CNTN4: variants seen among roughly 807,000 people sequenced by gnomAD.
CNTN4 encodes contactin-4.
CNTN4 carries 77 observed loss-of-function variants against 122.5 expected under a neutral mutation model. The ratio of observed to expected loss-of-function variants is 0.63; its 90% CI spans 0.52 to 0.76. The LOEUF (loss-of-function observed/expected upper bound fraction) is 0.76, where lower values mean the gene tolerates loss of function less well. Ranked by LOEUF, CNTN4 falls within the 30% of genes least tolerant of loss-of-function variation. CNTN4 has a pLI of 0.00. For synonymous variants in CNTN4, 512 were observed against 447.0 expected, an observed-to-expected ratio of 1.15 and a Z score of -1.83; for missense variants, 1,256 against 1,259.1, an observed-to-expected ratio of 1.00 and a Z score of 0.04.
intron 2 of CNTN4, among the ~76,000 whole-genome samples, chr3:2,173,232 A>T (rs1278370603): frequency 6.6e-6 from 1 of 152,222 alleles, no homozygotes; most frequent in Non-Finnish European, 1.5e-5. Flanking sequence ...CTGAGCAAAC[A>T]GACCATTTGG....
intron 14 of CNTN4, among the ~76,000 whole-genome samples, chr3:3,018,119 A>C (rs1697940378): frequency 6.6e-6 from 1 of 151,010 alleles, no homozygotes; most frequent in Non-Finnish European, 1.5e-5. Context: ...TAGTAATTAT[A>C]AAATTAATGT....
rs192965826 is a variant in CNTN4, at chr3:2,477,398, C to T, written c.-88-94018C>T. On this transcript the variant is annotated intron_variant, in intron 3 of 24. Transcript: ENST00000418658. The stretch of plus-strand genomic sequence containing the variant: ...TTATAATGATAAAACTCCATGCTTC[C>T]CATGACATAAGCTCTGTGGTAAATG... Among the ~76,000 whole-genome samples the T allele has an allele frequency of 4.7e-3, 721 of 152,160 alleles. 3 individuals carry two copies. The highest frequency in any genetic ancestry group is 0.01 in the Middle Eastern group (3 of 292).
At chr3:2,720,236 A>G (rs767752928) in intron 4 of CNTN4, among the ~76,000 whole-genome samples, 4 of 152,158 alleles carry the variant, frequency 2.6e-5, no homozygotes, top group Non-Finnish European at 4.4e-5. Flanking sequence ...TTTGATGTCA[A>G]TGAGATAGAG....
intron 3 of CNTN4, among the ~76,000 whole-genome samples, chr3:2,486,561 G>A (rs941265848): frequency 6.6e-6 from 1 of 152,112 alleles, no homozygotes; most frequent in African/African-American, 2.4e-5. Flanking sequence ...GAAGTCTACT[G>A]TGTTACCCCC....
intron 3 of CNTN4, among the ~76,000 whole-genome samples, chr3:2,400,789 G>A (rs567949391): frequency 1.9e-4 from 29 of 151,272 alleles, no homozygotes; most frequent in Admixed American, 8.6e-4. Flanking sequence ...AAGACATTTG[G>A]ATTATGCTGT....
intron 2 of CNTN4, among the ~76,000 whole-genome samples, chr3:2,225,930 C>T (rs2039265076): frequency 6.6e-6 from 1 of 152,156 alleles, no homozygotes; most frequent in African/African-American, 2.4e-5. Context: ...GGATTCTGCA[C>T]TATAGCTTTT....
intron 3 of CNTN4, among the ~76,000 whole-genome samples, chr3:2,412,373 T>A (rs1316644798): frequency 6.6e-6 from 1 of 152,054 alleles, no homozygotes; most frequent in Non-Finnish European, 1.5e-5. Flanking sequence ...TGCTTCAGCC[T>A]CCCGAGTAGC....
At chr3:2,536,888 G>A (rs2077830064) in intron 3 of CNTN4, among the ~76,000 whole-genome samples, 1 of 152,062 alleles carries the variant, frequency 6.6e-6, no homozygotes, top group African/African-American at 2.4e-5. Context: ...ATATAGTTTA[G>A]ATCTTGGCTT....
chr3:2,916,278 T>G (rs974375260), intron 12 of CNTN4, among the ~76,000 whole-genome samples: 8 of 151,512 alleles, frequency 5.3e-5, no homozygotes, highest in African/African-American at 1.7e-4. Context: ...CATAGGACAA[T>G]AGTGGAGGGA....
At chr3:3,042,148 C>T (rs1700220048) in intron 20 of CNTN4, among the ~76,000 whole-genome samples, 162 bp from the exon 21 acceptor site, 1 of 152,228 alleles carries the variant, frequency 6.6e-6, no homozygotes, top group South Asian at 2.1e-4. Context: ...CTACCACCAA[C>T]TCCAGCTATT....
In CNTN4 at chr3:2,571,453, C is replaced by T. The variant is rs1483772673; in HGVS notation, c.-51C>T. The T allele has an allele frequency of 4.6e-6, 6 of 1,304,124 alleles. No individual in the cohort carries two copies. The highest frequency in any genetic ancestry group is 5.6e-6 in the Non-Finnish European group (5 of 897,260). 80.8% of individuals were successfully genotyped at this position (1,304,124 alleles called of 1,614,324 possible). On this transcript the variant is annotated 5_prime_UTR_variant, in exon 4 of 25. Coordinates refer to ENST00000418658, the MANE Select transcript of CNTN4 (RefSeq NM_175607.3). Reference sequence around the variant, plus strand: ...ACAAAACTTAAAAGAAGCAGCAATTCTATTCGCTTGTTATTGGACTTGAAA... The same window carrying T: ...ACAAAACTTAAAAGAAGCAGCAATTTTATTCGCTTGTTATTGGACTTGAAA...
chr3:2,266,239 T>C (rs538309184), intron 2 of CNTN4, among the ~76,000 whole-genome samples: 1 of 152,170 alleles, frequency 6.6e-6, no homozygotes, highest in African/African-American at 2.4e-5. Context: ...GAATGTTCCT[T>C]CTATACCCAT....
chr3:2,778,212 TCAAA>T (rs1394119161), intron 6 of CNTN4, among the ~76,000 whole-genome samples: 3 of 76,968 alleles, frequency 3.9e-5, no homozygotes, highest in African/African-American at 1.7e-4. Context: ...AGACTCCGTC[TCAAA>T]TAAATAAATA....
intron 2 of CNTN4, among the ~76,000 whole-genome samples, chr3:2,173,940 G>T (rs1355649118): frequency 6.6e-6 from 1 of 152,150 alleles, no homozygotes; most frequent in East Asian, 1.9e-4. Context: ...TATTATCGTT[G>T]TTTTATTTTA....
chr3:2,684,931 G>T (rs1040752930), intron 4 of CNTN4, among the ~76,000 whole-genome samples: 1 of 152,130 alleles, frequency 6.6e-6, no homozygotes, highest in South Asian at 2.1e-4. Context: ...GCCAGGCCAG[G>T]GCCTTGTTCA....
chr3:2,995,332 G>A (rs1499131), intron 14 of CNTN4, among the ~76,000 whole-genome samples: 3,659 of 152,256 alleles, frequency 0.024, 137 homozygotes, highest in African/African-American at 0.081. Context: ...TGAGAGCCAC[G>A]TAGATTGAGC....
At chr3:2,160,939 A>C (rs1319559161) in intron 2 of CNTN4, among the ~76,000 whole-genome samples, 1 of 151,978 alleles carries the variant, frequency 6.6e-6, no homozygotes, top group African/African-American at 2.4e-5. Flanking sequence ...CCTGGGGCTT[A>C]TGTTTGGAGT....
intron 7 of CNTN4, among the ~76,000 whole-genome samples, chr3:2,859,158 G>A (rs1203013106): frequency 1.3e-5 from 2 of 152,182 alleles, no homozygotes; most frequent in Non-Finnish European, 2.9e-5. Flanking sequence ...ATCATGCACT[G>A]CTTGTCTTTC....
At chr3:3,052,062 A>T (rs1701323094) in intron 23 of CNTN4, among the ~76,000 whole-genome samples, 1 of 152,196 alleles carries the variant, frequency 6.6e-6, no homozygotes, top group Non-Finnish European at 1.5e-5. Context: ...TCTCCAGGTG[A>T]TTCTGTTCAC....
Sources: allele counts gnomAD v4.1 joint callset (sites outside exome capture counted in the v4.1 genomes callset), GRCh38; gene constraint gnomAD v4.1.1; transcripts MANE v1.5; gene names NCBI Gene and HGNC (gene_info 2026-07-23, HGNC 2026-07-21).